The following PTPRM variants were observed in gnomAD, a reference collection of about 807,000 sequenced individuals.
PTPRM encodes receptor-type tyrosine-protein phosphatase mu.
Under a neutral mutation model 186.7 loss-of-function variants are expected in PTPRM, and 47 were observed. That is an observed-to-expected ratio of 0.25 (90% confidence interval 0.20 to 0.32). The LOEUF (loss-of-function observed/expected upper bound fraction) is 0.32. Ranked by LOEUF, PTPRM falls within the 10% of genes least tolerant of loss-of-function variation. The pLI, the probability that PTPRM is intolerant of heterozygous loss-of-function variation, is 1.00. For synonymous variants in PTPRM, 668 were observed against 674.9 expected, an observed-to-expected ratio of 0.99 and a Z score of 0.16; for missense variants, 1,494 against 1,865.0, an observed-to-expected ratio of 0.80 and a Z score of 3.66.
intron 14 of PTPRM, among the ~76,000 whole-genome samples, chr18:8,200,488 T>G (rs186792488): frequency 0.011 from 1,698 of 152,372 alleles, 22 homozygotes; most frequent in Non-Finnish European, 0.012. Flanking sequence ...GTGAGGCCTT[T>G]CCACTGCATT....
chr18:7,873,496 A>G (rs183407979), intron 2 of PTPRM, among the ~76,000 whole-genome samples: 85 of 152,344 alleles, frequency 5.6e-4, no homozygotes, highest in East Asian at 2.1e-3. Context: ...ACTTCTCTCA[A>G]TGGTTACCGA....
intron 14 of PTPRM, among the ~76,000 whole-genome samples, chr18:8,204,514 G>A (rs376666561): frequency 2.7e-3 from 414 of 152,032 alleles, no homozygotes; most frequent in African/African-American, 9.4e-3. Context: ...AAAAAATGAA[G>A]ACTGTACCTT....
chr18:7,949,083 A>G (rs2052755524), intron 5 of PTPRM, 98 bp from the exon 6 acceptor site: 3 of 1,218,852 alleles, frequency 2.5e-6, no homozygotes, highest in Non-Finnish European at 3.4e-6. Context: ...CAAGGTCTGC[A>G]TGAAAACAGC....
Position 8,085,874 on chromosome 18 carries a change from T to C in PTPRM, c.1753+2T>C. 6.2e-7 allele frequency: 1 copy of C among 1,611,076 alleles called. No homozygotes were observed. The highest frequency in any genetic ancestry group is 8.5e-7 in the Non-Finnish European group (1 of 1,177,650). The stretch of plus-strand genomic sequence containing the variant: ...ACCAGTTCACCACCAAAATATCAGG[T>C]ACTCTACATTCGTGAGTTGTGTCTT... On this transcript the variant is annotated splice_donor_variant, in intron 10 of 32. Coordinates refer to ENST00000580170, the MANE Select transcript of PTPRM (RefSeq NM_001105244.2). LOFTEE classifies it high-confidence loss of function.
intron 14 of PTPRM, among the ~76,000 whole-genome samples, chr18:8,164,332 A>C (rs1477920598): frequency 6.6e-6 from 1 of 152,236 alleles, no homozygotes; most frequent in Admixed American, 6.5e-5. Context: ...ATTATTTACA[A>C]AAATATATTT....
intron 7 of PTPRM, among the ~76,000 whole-genome samples, chr18:7,997,022 C>G (rs1191407736): frequency 6.6e-6 from 1 of 152,044 alleles, no homozygotes; most frequent in Non-Finnish European, 1.5e-5. Context: ...TGACATTGTT[C>G]ACAGAAATAG....
chr18:8,262,554 C>G (rs1459107961), intron 19 of PTPRM, among the ~76,000 whole-genome samples: 1 of 152,156 alleles, frequency 6.6e-6, no homozygotes, highest in South Asian at 2.1e-4. Context: ...TCTGCCTGGC[C>G]GTGACTTCAG....
intron 7 of PTPRM, among the ~76,000 whole-genome samples, chr18:8,043,082 G>T (rs2086793498): frequency 6.6e-6 from 1 of 152,134 alleles, no homozygotes; most frequent in African/African-American, 2.4e-5. Flanking sequence ...CAGGCCCTTT[G>T]CTGACCTCAT....
rs1163066128 is a variant in PTPRM, at chr18:8,054,440, A to G, written c.1133-15246A>G. On this transcript the variant is annotated intron_variant, in intron 7 of 32. Coordinates refer to ENST00000580170, the MANE Select transcript of PTPRM (RefSeq NM_001105244.2). ...TTTTCTTTTCTTTTGTTTTTTTCCC[A>G]TAATTGACTGAAATAACTTTTTTTC... is the stretch of plus-strand genomic sequence containing the variant. Among the ~76,000 whole-genome samples the G allele has an allele frequency of 7.3e-5, 11 of 149,902 alleles. No homozygotes were observed. In the East Asian group the frequency reaches 1.4e-3, roughly 19 times the overall value.
intron 2 of PTPRM, among the ~76,000 whole-genome samples, chr18:7,868,156 C>CG (rs1196469317): frequency 6.6e-6 from 1 of 152,094 alleles, no homozygotes; most frequent in African/African-American, 2.4e-5. Flanking sequence ...TCCTTTAGCT[C>CG]GGAGGAGTTC....
At chr18:7,954,826 A>T (rs547489162) in intron 6 of PTPRM, among the ~76,000 whole-genome samples, 1 of 152,236 alleles carries the variant, frequency 6.6e-6, no homozygotes, top group Non-Finnish European at 1.5e-5. Flanking sequence ...CATTACAAAA[A>T]GTATCAGATA....
At chr18:7,686,213 A>T (rs1189934331) in intron 1 of PTPRM, among the ~76,000 whole-genome samples, 1 of 152,148 alleles carries the variant, frequency 6.6e-6, no homozygotes, top group African/African-American at 2.4e-5. Flanking sequence ...TGGAGGGATA[A>T]ATCCATCAAA....
Position 7,674,267 on chromosome 18 carries a change from C to G in PTPRM, c.74-99882C>G, listed in dbSNP as rs371447081. Reference sequence around the variant, plus strand: ...GATTTTTAAAACTGCCCAGGTGATTCTAAAAGGGAGCTGAATTTGAAAACC... The same window carrying G: ...GATTTTTAAAACTGCCCAGGTGATTGTAAAAGGGAGCTGAATTTGAAAACC... On this transcript the variant is annotated intron_variant, in intron 1 of 32. Coordinates refer to ENST00000580170, the MANE Select transcript of PTPRM (RefSeq NM_001105244.2). 5.8e-4 allele frequency among the ~76,000 whole-genome samples: 88 copies of G among 152,186 alleles called. 2 individuals are homozygous for G. In the South Asian group the frequency reaches 0.018, roughly 31 times the overall value.
rs61104506 is a variant in PTPRM at position 8,211,825 on chromosome 18, G to A, written c.2301-32233G>A. 1.7e-3 allele frequency among the ~76,000 whole-genome samples: 260 copies of A among 152,252 alleles called. 1 individual carries two copies. Among genetic ancestry groups the A allele is most frequent in the African/African-American group, 6.0e-3 (248 of 41,554 alleles). On this transcript the variant is annotated intron_variant, in intron 14 of 32. Coordinates refer to ENST00000580170, the MANE Select transcript of PTPRM (RefSeq NM_001105244.2). Reference sequence around the variant, plus strand: ...GGAGGCATGAAATTGTTCTGTTGTGGAAACGAAGGGTGAATGGACTGGGAA... The same window carrying A: ...GGAGGCATGAAATTGTTCTGTTGTGAAAACGAAGGGTGAATGGACTGGGAA...
chr18:8,143,874 T>A, intron 14 of PTPRM, 95 bp downstream of exon 14: 1 of 1,465,860 alleles, frequency 6.8e-7, no homozygotes, highest in South Asian at 1.2e-5. Context: ...GAACTGGCTT[T>A]GATAACCCAG....
Position 7,826,066 on chromosome 18 carries a change from C to T in PTPRM, c.196+51795C>T, listed in dbSNP as rs535965703. Among the ~76,000 whole-genome samples, 23 of 152,264 alleles carry T rather than the reference C, an allele frequency of 1.5e-4. No individual in the cohort carries two copies. In the South Asian group the frequency reaches 4.8e-3, roughly 32 times the overall value. ...CTCATTGGATGGCATCCCCGTCAAC[C>T]TGATATTGGTCGAGAGCTCAGGTAC... On this transcript the variant is annotated intron_variant, in intron 2 of 32. Transcript: ENST00000580170.
At chr18:7,630,887 G>T (rs943062184) in intron 1 of PTPRM, among the ~76,000 whole-genome samples, 2 of 152,140 alleles carry the variant, frequency 1.3e-5, no homozygotes, top group Non-Finnish European at 2.9e-5. Flanking sequence ...ATGGTTGCAG[G>T]CATATAGTGT....
intron 1 of PTPRM, among the ~76,000 whole-genome samples, chr18:7,728,580 C>T (rs925725639): frequency 2.6e-5 from 4 of 152,346 alleles, no homozygotes; most frequent in African/African-American, 7.2e-5. Flanking sequence ...AGGCATTATT[C>T]AGAAAGAATC....
chr18:7,789,873 A>G (rs1294093225), intron 2 of PTPRM, among the ~76,000 whole-genome samples: 1 of 152,220 alleles, frequency 6.6e-6, no homozygotes. Context: ...TTAAGTAATA[A>G]AAGTCTGTAG....
Sources: allele counts gnomAD v4.1 joint callset (sites outside exome capture counted in the v4.1 genomes callset), GRCh38; gene constraint gnomAD v4.1.1; transcripts MANE v1.5; gene names NCBI Gene and HGNC (gene_info 2026-07-23, HGNC 2026-07-21).